Variants in ATP8A2 observed in about 807,000 individuals in gnomAD.
ATP8A2 encodes ATPase phospholipid transporting 8A2, also known as phospholipid-transporting ATPase IB.
In ATP8A2, 100 loss-of-function variants were observed where a neutral mutation model predicts 165.6. That is an observed-to-expected ratio of 0.60 (90% CI 0.51 to 0.71). The LOEUF (loss-of-function observed/expected upper bound fraction) is 0.71. Ranked by LOEUF, ATP8A2 falls within the 30% of genes least tolerant of loss-of-function variation. The pLI is 0.00. For synonymous variants in ATP8A2, 543 were observed against 548.8 expected, an observed-to-expected ratio of 0.99 and a Z score of 0.15; for missense variants, 1,227 against 1,479.5, an observed-to-expected ratio of 0.83 and a Z score of 2.80.
chr13:25,978,021 CT>C lies in ATP8A2; in HGVS notation c.3377+9349del, dbSNP rs530675718. The stretch of plus-strand genomic sequence containing the variant: ...CAACTTTCTCTATTTGCCAACAAGA[CT>C]TTTTTTCAAGAACCATTTTTACTGA... On this transcript the variant is annotated intron_variant, in intron 35 of 36. Coordinates refer to ENST00000381655, the MANE Select transcript of ATP8A2 (RefSeq NM_016529.6). 2.8e-3 allele frequency among the ~76,000 whole-genome samples: 432 copies of C among 152,256 alleles called. 1 individual carries two copies. Among genetic ancestry groups the C allele is most frequent in the African/African-American group, 9.6e-3 (399 of 41,540 alleles).
At chr13:25,422,922 G>C (rs2034341137) in intron 1 of ATP8A2, among the ~76,000 whole-genome samples, 1 of 152,168 alleles carries the variant, frequency 6.6e-6, no homozygotes, top group African/African-American at 2.4e-5. Flanking sequence ...GCATGGTTGT[G>C]GTTTTTGCAG....
At chr13:25,374,660 T>A (rs2032552943) in intron 1 of ATP8A2, among the ~76,000 whole-genome samples, 1 of 151,972 alleles carries the variant, frequency 6.6e-6, no homozygotes, top group South Asian at 2.1e-4. Flanking sequence ...TTGTGAGGGA[T>A]CTTGCTGATG....
At chr13:25,740,186 G>A (rs550034847) in intron 25 of ATP8A2, among the ~76,000 whole-genome samples, 5 of 151,882 alleles carry the variant, frequency 3.3e-5, no homozygotes, top group Admixed American at 6.6e-5. Flanking sequence ...GTGGGCGCCT[G>A]TAGTCCCAGC....
At chr13:25,772,393 G>A (rs768710866) in intron 26 of ATP8A2, among the ~76,000 whole-genome samples, 2 of 152,072 alleles carry the variant, frequency 1.3e-5, no homozygotes, top group Non-Finnish European at 2.9e-5. Flanking sequence ...GGGGGTCCCG[G>A]TCAAATACAA....
At chr13:25,923,024 G>A (rs1271590932) in intron 33 of ATP8A2, among the ~76,000 whole-genome samples, 1 of 152,192 alleles carries the variant, frequency 6.6e-6, no homozygotes, top group Non-Finnish European at 1.5e-5. Context: ...AAGGGAAAGG[G>A]ACAAGTGGGG....
At chr13:25,449,069 G>T (rs2035144190) in intron 1 of ATP8A2, among the ~76,000 whole-genome samples, 2 of 152,104 alleles carry the variant, frequency 1.3e-5, no homozygotes, top group African/African-American at 2.4e-5. Context: ...TATTTAGAAA[G>T]ATCTTTTCAA....
intron 33 of ATP8A2, among the ~76,000 whole-genome samples, chr13:25,929,817 C>T (rs112695115): frequency 0.013 from 1,952 of 152,296 alleles, 50 homozygotes; most frequent in African/African-American, 0.045. Flanking sequence ...GAGCGAGACC[C>T]TGTCTCTAAA....
intron 10 of ATP8A2, among the ~76,000 whole-genome samples, chr13:25,545,175 A>G (rs913768143): frequency 1.3e-5 from 2 of 151,950 alleles, no homozygotes; most frequent in East Asian, 3.9e-4. Flanking sequence ...CCTGTTGCAG[A>G]GCTTGTGTGT....
chr13:25,473,899 C>G (rs570072241), intron 2 of ATP8A2, among the ~76,000 whole-genome samples: 5 of 152,066 alleles, frequency 3.3e-5, no homozygotes, highest in Non-Finnish European at 1.5e-5. Context: ...CCAGAAAAAT[C>G]TTGAAATAAT....
intron 10 of ATP8A2, among the ~76,000 whole-genome samples, chr13:25,547,060 G>A (rs1338849121): frequency 6.6e-6 from 1 of 152,124 alleles, no homozygotes; most frequent in Non-Finnish European, 1.5e-5. Context: ...AACCCAGGAG[G>A]CAGAGGTTGC....
At chr13:25,651,160 T>A (rs2137629346) in intron 24 of ATP8A2, among the ~76,000 whole-genome samples, 1 of 152,290 alleles carries the variant, frequency 6.6e-6, no homozygotes, top group East Asian at 1.9e-4. Context: ...TATAAGATTA[T>A]TCGGCCAGGC....
chr13:25,985,385 C>T (rs1956259244), intron 35 of ATP8A2, among the ~76,000 whole-genome samples: 2 of 152,226 alleles, frequency 1.3e-5, no homozygotes, highest in African/African-American at 2.4e-5. Context: ...CACGCATATA[C>T]TCATGGTTCC....
At chr13:25,673,459 G>C (rs1363301707) in intron 24 of ATP8A2, among the ~76,000 whole-genome samples, 17 of 152,190 alleles carry the variant, frequency 1.1e-4, no homozygotes, top group Admixed American at 1.1e-3. Flanking sequence ...CTCCTGTCAT[G>C]TATGATACCA....
chr13:25,676,761 A>G (rs1235656113), intron 24 of ATP8A2, among the ~76,000 whole-genome samples: 1 of 152,150 alleles, frequency 6.6e-6, no homozygotes, highest in Non-Finnish European at 1.5e-5. Context: ...ATACTTGTAT[A>G]CATGTTGTAG....
intron 1 of ATP8A2, among the ~76,000 whole-genome samples, chr13:25,424,156 C>T (rs2034378029): frequency 6.6e-6 from 1 of 152,146 alleles, no homozygotes; most frequent in Non-Finnish European, 1.5e-5. Flanking sequence ...GGAGAAGAAA[C>T]CTCTTCTGTG....
In ATP8A2 at chr13:25,921,345, C is replaced by T. The variant is rs113857119; in HGVS notation, c.3184-40230C>T. Among the ~76,000 whole-genome samples the T allele has an allele frequency of 3.3e-5, 5 of 151,826 alleles. No individual in the cohort carries two copies. In the South Asian group the frequency reaches 8.3e-4, roughly 25 times the overall value. On this transcript the variant is annotated intron_variant, in intron 33 of 36. Transcript: ENST00000381655. Reference sequence around the variant, plus strand: ...AGAAAAACTGAGTTGAGGCCAGGCACGGTGGCTCACACCTGTAATCCCAGC... The same window carrying T: ...AGAAAAACTGAGTTGAGGCCAGGCATGGTGGCTCACACCTGTAATCCCAGC...
At chr13:25,808,477 T>C (rs1950790503) in intron 27 of ATP8A2, among the ~76,000 whole-genome samples, 1 of 151,526 alleles carries the variant, frequency 6.6e-6, no homozygotes, top group South Asian at 2.1e-4. Flanking sequence ...TGCATGCCTG[T>C]AATCCCAACT....
At chr13:25,450,905 G>C (rs2035207769) in intron 1 of ATP8A2, among the ~76,000 whole-genome samples, 1 of 152,060 alleles carries the variant, frequency 6.6e-6, no homozygotes, top group Non-Finnish European at 1.5e-5. Flanking sequence ...TTATAGGTTT[G>C]AGCCACTGTG....
chr13:25,457,999 C>T (rs529392636), intron 1 of ATP8A2, among the ~76,000 whole-genome samples: 118 of 152,204 alleles, frequency 7.8e-4, no homozygotes, highest in African/African-American at 2.7e-3. Context: ...TTCATATGAC[C>T]AGTGATTGTA....
Sources: gnomAD v4.1 joint callset for allele counts (sites outside exome capture counted in the v4.1 genomes callset) on GRCh38, gnomAD v4.1.1 for gene constraint, MANE v1.5 for transcripts, NCBI Gene and HGNC (gene_info 2026-07-23, HGNC 2026-07-21) for gene names.